RHOBTB3: variants seen among roughly 807,000 people sequenced by gnomAD.
The protein encoded by RHOBTB3 is rho-related BTB domain-containing protein 3.
A neutral mutation model predicts 67.2 loss-of-function variants in RHOBTB3; 47 were observed. The ratio of observed to expected loss-of-function variants is 0.70; its 90% CI spans 0.55 to 0.89. RHOBTB3 has a LOEUF of 0.89. RHOBTB3 is among the 40% of genes least tolerant of loss of function. RHOBTB3 has a pLI of 0.00. For synonymous variants in RHOBTB3, 273 were observed against 274.2 expected, an observed-to-expected ratio of 1.00 and a Z score of 0.04; for missense variants, 631 against 750.0, an observed-to-expected ratio of 0.84 and a Z score of 1.85.
chr5:95,731,569 G>T lies in RHOBTB3; in HGVS notation c.-114G>T. On this transcript the variant is annotated 5_prime_UTR_variant, in exon 1 of 12. Coordinates refer to ENST00000379982, the MANE Select transcript of RHOBTB3 (RefSeq NM_014899.4). ...CCCCGCCGCGGTGGAGGCGCGCGAG[G>T]GGGACGCGGCCGGGGATGAGCGGAT... 1 of 1,506,174 alleles carries T rather than the reference G, an allele frequency of 6.6e-7. No individual in the cohort carries two copies. Among genetic ancestry groups the T allele is most frequent in the Non-Finnish European group, 8.9e-7 (1 of 1,127,328 alleles). The allele number at this position is 1,506,174 out of a possible 1,614,324, so 93.3% of individuals were successfully genotyped here.
In RHOBTB3 at chr5:95,732,101, G is replaced by T; in HGVS notation, c.228+17G>T. 6.2e-7 allele frequency: 1 copy of T among 1,607,210 alleles called. No individual in the cohort carries two copies. Among genetic ancestry groups the T allele is most frequent in the Non-Finnish European group, 8.5e-7 (1 of 1,173,666 alleles). On this transcript the variant is annotated intron_variant, in intron 2 of 11. Coordinates refer to ENST00000379982, the MANE Select transcript of RHOBTB3 (RefSeq NM_014899.4). ...CCCGTCTGGGTAAGGAAGAGCAGCT[G>T]CTCCGCGCTGAGGCTGAAGAAGCTT...
At chr5:95,739,683 C>T (rs1755546451) in intron 3 of RHOBTB3, among the ~76,000 whole-genome samples, 1 of 152,090 alleles carries the variant, frequency 6.6e-6, no homozygotes, top group South Asian at 2.1e-4. Context: ...TCCTGAGTAG[C>T]AAGGACTACA....
At chr5:95,781,914 T>C (rs1277042130) in intron 9 of RHOBTB3, 1 of 152,236 alleles carries the variant, frequency 6.6e-6, no homozygotes, top group African/African-American at 2.4e-5. Context: ...GAAATAAAGC[T>C]TATTGTTTAT....
intron 8 of RHOBTB3, among the ~76,000 whole-genome samples, chr5:95,773,882 T>TA (rs1448464375): frequency 6.6e-6 from 1 of 152,216 alleles, no homozygotes; most frequent in Non-Finnish European, 1.5e-5. Flanking sequence ...ACCTTTGGAA[T>TA]TCTTCCAAAA....
chr5:95,757,101 G>A (rs551322671), intron 6 of RHOBTB3, among the ~76,000 whole-genome samples: 8 of 151,866 alleles, frequency 5.3e-5, no homozygotes, highest in South Asian at 4.2e-4. Context: ...TATCATAGAC[G>A]TTACTTTTTT....
At chr5:95,787,665 C>A (rs1221231876) in intron 10 of RHOBTB3, among the ~76,000 whole-genome samples, 2 of 152,166 alleles carry the variant, frequency 1.3e-5, no homozygotes. Flanking sequence ...GGATATTATT[C>A]AGCCTTAAGA....
At chr5:95,782,964 G>T (rs952014692) in intron 9 of RHOBTB3, among the ~76,000 whole-genome samples, 1 of 151,108 alleles carries the variant, frequency 6.6e-6, no homozygotes, top group Non-Finnish European at 1.5e-5. Flanking sequence ...CTAACGGAAA[G>T]ATTTACCAGA....
In RHOBTB3 at chr5:95,768,088, C is replaced by G. The variant is rs899529990; in HGVS notation, c.1204C>G (p.Pro402Ala). Residue 402 changes from proline (P) to alanine (A), a missense_variant, in exon 8 of 12, where the codon CCT (proline) becomes GCT (alanine). Physicochemically the swap from Pro to Ala is conservative, Grantham distance 27. Transcript: ENST00000379982. ...RNCKTYQARK[P>A]LWFYNTSLKF... Reference sequence around the variant, plus strand: ...TTGCAAAACCTATCAAGCCAGAAAACCTTTGTGGTTTTATAACACTTCCCT... The same window carrying G: ...TTGCAAAACCTATCAAGCCAGAAAAGCTTTGTGGTTTTATAACACTTCCCT... 1.1e-5 allele frequency: 17 copies of G among 1,612,932 alleles called. 1 individual carries two copies. In the Admixed American group the frequency reaches 2.8e-4, roughly 27 times the overall value.
chr5:95,719,098 T>C (rs1354238021), intron 1 of RHOBTB3, among the ~76,000 whole-genome samples: 2 of 152,080 alleles, frequency 1.3e-5, no homozygotes, highest in African/African-American at 4.8e-5. Flanking sequence ...ATTGAGATCA[T>C]AGAGAACATG....
Position 95,755,557 on chromosome 5 carries a change from A to C in RHOBTB3, c.844A>C (p.Met282Leu). The change falls in exon 6 of 12, where the codon ATG becomes CTG. Residue 282 changes from methionine (M) to leucine (L), a missense_variant. Coordinates refer to ENST00000379982, the MANE Select transcript of RHOBTB3 (RefSeq NM_014899.4). ...TCTCTGCGCTGTAAGCCATGTTTTC[A>C]TGCTGCTTTTCAATGTGAAGAGTCC... ...IVLCAVSHVF[M>L]LLFNVKSPTD... 1.2e-6 allele frequency: 2 copies of C among 1,614,146 alleles called. No homozygotes were observed. The highest frequency in any genetic ancestry group is 1.6e-4 in the Middle Eastern group (1 of 6,062).
rs1744987503 is a variant in RHOBTB3, at chr5:95,748,339, T to C, written c.422T>C (p.Leu141Ser). Residue 141 changes from leucine to serine, a missense_variant, in exon 4 of 12, where the codon TTA (leucine) becomes TCA (serine). Coordinates refer to ENST00000379982, the MANE Select transcript of RHOBTB3 (RefSeq NM_014899.4). Reference sequence around the variant, plus strand: ...TTAAAATTTGTTTTCTCAGAAGAGTTACCTTGTACATGCCCACTATGTACC... The same window carrying C: ...TTAAAATTTGTTTTCTCAGAAGAGTCACCTTGTACATGCCCACTATGTACC... Reference protein sequence around the residue: ...AAVGTRQNEELPCTCPLCTSD... With the variant: ...AAVGTRQNEESPCTCPLCTSD... 1 of 1,591,744 alleles carries C rather than the reference T, an allele frequency of 6.3e-7. No homozygotes were observed. The highest frequency in any genetic ancestry group is 8.5e-7 in the Non-Finnish European group (1 of 1,171,186).
chr5:95,734,817 C>T (rs1379654833), intron 2 of RHOBTB3, among the ~76,000 whole-genome samples: 3 of 152,220 alleles, frequency 2.0e-5, no homozygotes, highest in Non-Finnish European at 4.4e-5. Context: ...ATAGTCTTCA[C>T]ATCCTCAATC....
At chr5:95,783,730 G>A in intron 9 of RHOBTB3, 67 bp from the exon 10 acceptor site, 2 of 1,340,844 alleles carry the variant, frequency 1.5e-6, no homozygotes, top group Non-Finnish European at 2.1e-6. Flanking sequence ...TTGTTGGTGG[G>A]GGGTGTTTAG....
intron 2 of RHOBTB3, among the ~76,000 whole-genome samples, chr5:95,733,249 GA>G (rs1428049610): frequency 1.3e-5 from 2 of 152,184 alleles, no homozygotes; most frequent in Admixed American, 1.3e-4. Flanking sequence ...TGATAGTGAT[GA>G]TGCTGTTCAT....
chr5:95,748,784 A>G (rs1012395560), intron 4 of RHOBTB3, among the ~76,000 whole-genome samples: 11 of 152,204 alleles, frequency 7.2e-5, no homozygotes, highest in African/African-American at 2.7e-4. Context: ...CTGTGATGCC[A>G]CTTTTAATAG....
intron 3 of RHOBTB3, among the ~76,000 whole-genome samples, chr5:95,737,808 C>T (rs763961553): frequency 1.1e-4 from 16 of 152,186 alleles, no homozygotes; most frequent in African/African-American, 2.4e-4. Context: ...TATACAGCCA[C>T]GCAACCCACA....
At position 95,733,033 on chromosome 5, in the gene RHOBTB3, C is replaced by G. The variant is rs556320724; in HGVS notation, c.228+949C>G. Among the ~76,000 whole-genome samples the G allele has an allele frequency of 1.2e-3, 177 of 152,186 alleles. 1 individual carries two copies. Among genetic ancestry groups the G allele is most frequent in the African/African-American group, 4.2e-3 (173 of 41,526 alleles). On this transcript the variant is annotated intron_variant, in intron 2 of 11. Transcript: ENST00000379982. ...CATTTAAACAGCAATATTAAAAAAA[C>G]TGAATTAGGACTATAGGAAAGTATC... is the stretch of plus-strand genomic sequence containing the variant.
intron 1 of RHOBTB3, among the ~76,000 whole-genome samples, chr5:95,724,678 C>T (rs905774582): frequency 2.0e-5 from 3 of 152,132 alleles, no homozygotes; most frequent in Admixed American, 2.0e-4. Flanking sequence ...GTTGGCCAGG[C>T]TGGTTTCGAA....
intron 5 of RHOBTB3, 58 bp downstream of exon 5, chr5:95,752,408 C>A: frequency 1.8e-6 from 2 of 1,131,630 alleles, no homozygotes; most frequent in South Asian, 1.4e-5. Flanking sequence ...GATCCTTTCT[C>A]ACAGGTCTTA....
Sources: allele counts gnomAD v4.1 joint callset (sites outside exome capture counted in the v4.1 genomes callset), GRCh38; gene constraint gnomAD v4.1.1; transcripts MANE v1.5; gene names NCBI Gene and HGNC (gene_info 2026-07-23, HGNC 2026-07-21).